Variants in SPTBN4 observed in about 807,000 individuals in gnomAD.
The protein encoded by SPTBN4 is spectrin beta, non-erythrocytic 4, also known as spectrin beta chain, non-erythrocytic 4.
In SPTBN4, 96 loss-of-function variants were observed where a neutral mutation model predicts 277.8. The observed-to-expected ratio is 0.35, with a 90% CI of 0.29 to 0.41. The LOEUF (loss-of-function observed/expected upper bound fraction) is 0.41, where lower values mean the gene tolerates loss of function less well. SPTBN4 is among the 10% of genes least tolerant of loss of function. The pLI is 1.00. For missense variants in SPTBN4, 3,006 were observed against 3,595.7 expected, an observed-to-expected ratio of 0.84 and a Z score of 4.19; for synonymous variants, 1,481 against 1,580.3, an observed-to-expected ratio of 0.94 and a Z score of 1.49.
At chr19:40,505,052 G>A (rs942578985) in intron 12 of SPTBN4, among the ~76,000 whole-genome samples, 1 of 150,778 alleles carries the variant, frequency 6.6e-6, no homozygotes, top group Non-Finnish European at 1.5e-5. Flanking sequence ...AAGAGAGAGA[G>A]AGAGAGACCT....
intron 35 of SPTBN4, among the ~76,000 whole-genome samples, chr19:40,573,974 C>T (rs966117878): frequency 4.1e-5 from 6 of 147,600 alleles, no homozygotes; most frequent in African/African-American, 7.6e-5. Flanking sequence ...TGGTGGCGGG[C>T]GCCTGTAGTC....
At chr19:40,497,181 G>A (rs1344403515) in intron 6 of SPTBN4, among the ~76,000 whole-genome samples, 2 of 151,880 alleles carry the variant, frequency 1.3e-5, no homozygotes, top group Admixed American at 1.3e-4. Context: ...ACACAGGCAG[G>A]CACCGTGTGG....
intron 2 of SPTBN4, among the ~76,000 whole-genome samples, chr19:40,484,105 T>A (rs1233134289): frequency 6.6e-6 from 1 of 152,060 alleles, no homozygotes; most frequent in Non-Finnish European, 1.5e-5. Flanking sequence ...GAAAAACAAG[T>A]ACAATTAAAT....
At chr19:40,538,333 G>A (rs1462431962) in intron 20 of SPTBN4, among the ~76,000 whole-genome samples, 2 of 18,310 alleles carry the variant, frequency 1.1e-4, no homozygotes, top group Non-Finnish European at 1.3e-4. Flanking sequence ...AGGTTGCAGT[G>A]AGGCAAGATT....
intron 20 of SPTBN4, among the ~76,000 whole-genome samples, chr19:40,539,636 C>T (rs539448127): frequency 6.7e-4 from 102 of 151,952 alleles, no homozygotes; most frequent in African/African-American, 2.3e-3. Flanking sequence ...CCTGCCACCA[C>T]GCCTGGCTAA....
At chr19:40,527,103 C>G (rs889500846) in intron 17 of SPTBN4, among the ~76,000 whole-genome samples, 8 of 152,164 alleles carry the variant, frequency 5.3e-5, no homozygotes, top group African/African-American at 1.9e-4. Context: ...CTCTCTGGTT[C>G]TGTCTCTGCA....
chr19:40,556,367 G>A (rs1459195703), intron 25 of SPTBN4, 79 bp downstream of exon 25: 23 of 1,345,646 alleles, frequency 1.7e-5, no homozygotes, highest in Non-Finnish European at 2.1e-5. Context: ...TCTGTAGTAT[G>A]AGGATAATAA....
chr19:40,535,679 C>T (rs1431498095), intron 20 of SPTBN4, among the ~76,000 whole-genome samples: 1 of 151,994 alleles, frequency 6.6e-6, no homozygotes, highest in Non-Finnish European at 1.5e-5. Context: ...ACGCCTGTAA[C>T]CCCAGCACTT....
intron 13 of SPTBN4, among the ~76,000 whole-genome samples, chr19:40,510,363 G>A (rs891766991): frequency 6.6e-6 from 1 of 151,924 alleles, no homozygotes; most frequent in Non-Finnish European, 1.5e-5. Flanking sequence ...GGAGTACGGT[G>A]GCACTATCTC....
intron 12 of SPTBN4, among the ~76,000 whole-genome samples, chr19:40,504,734 G>T (rs146041504): frequency 4.1e-4 from 62 of 152,074 alleles, no homozygotes; most frequent in African/African-American, 1.5e-3. Context: ...TGTAGTCCTA[G>T]CTATTTGGGA....
At chr19:40,564,589 G>C (rs1000740328) in intron 27 of SPTBN4, among the ~76,000 whole-genome samples, 13 of 152,108 alleles carry the variant, frequency 8.5e-5, no homozygotes, top group African/African-American at 3.1e-4. Flanking sequence ...CCATAGCCTT[G>C]AACTTTGGGA....
Position 40,490,107 on chromosome 19 carries a change from C to T in SPTBN4, c.354C>T (p.His118=), listed in dbSNP as rs1599724244. 1.9e-6 allele frequency: 3 copies of T among 1,613,796 alleles called. No homozygotes were observed. The highest frequency in any genetic ancestry group is 2.7e-5 in the African/African-American group (2 of 75,056). Residue 118 remains histidine, a synonymous_variant, in exon 4 of 36, where the codon CAC becomes CAT. Coordinates refer to ENST00000598249, the MANE Select transcript of SPTBN4 (RefSeq NM_020971.3). The surrounding 1 kb of genome is among the most constrained non-coding windows in gnomAD (Gnocchi z 4.3). ...CCACGCGCGGCCGCATGCGGATCCA[C>T]TCACTGGAGAACGTGGACAAGGCGC... ...PRPTRGRMRI[H]SLENVDKALQ...
intron 26 of SPTBN4, among the ~76,000 whole-genome samples, chr19:40,559,944 A>T (rs1047136626): frequency 8.5e-5 from 13 of 152,266 alleles, no homozygotes; most frequent in Admixed American, 5.2e-4. Context: ...GAAATCAGGC[A>T]GTGGGTTGAA....
intron 17 of SPTBN4, among the ~76,000 whole-genome samples, chr19:40,526,857 C>T (rs377429237): frequency 8.6e-5 from 13 of 151,816 alleles, no homozygotes; most frequent in East Asian, 5.9e-4. Context: ...CCAAAGTGCT[C>T]GGATTACAGG....
chr19:40,556,397 C>T, intron 25 of SPTBN4, 109 bp downstream of exon 25: 2 of 973,272 alleles, frequency 2.1e-6, no homozygotes, highest in Non-Finnish European at 3.0e-6. Context: ...CCTCATGGCT[C>T]TGCTGTGAGA....
intron 30 of SPTBN4, 52 bp from the exon 31 acceptor site, chr19:40,567,611 A>AACCCCCC: frequency 2.5e-6 from 3 of 1,190,520 alleles, no homozygotes; most frequent in Non-Finnish European, 3.4e-6. Flanking sequence ...CCTCCCCCTT[A>AACCCCCC]CCCCGCCCCG....
intron 17 of SPTBN4, among the ~76,000 whole-genome samples, chr19:40,526,268 G>T (rs2080590909): frequency 6.6e-6 from 1 of 151,518 alleles, no homozygotes; most frequent in African/African-American, 2.4e-5. Context: ...TGCCTCCAGG[G>T]TTCAAGCTAT....
intron 18 of SPTBN4, among the ~76,000 whole-genome samples, chr19:40,531,464 GTTTTTTTTTTTTT>G (rs71173645): frequency 1.1e-3 from 45 of 40,912 alleles, no homozygotes; most frequent in Admixed American, 2.0e-3. Context: ...TCCAGTGTTT[GTTTTTTTTTTTTT>G]TTTTTTTTTT....
chr19:40,569,810 G>T, intron 32 of SPTBN4, 84 bp downstream of exon 32: 1 of 1,349,882 alleles, frequency 7.4e-7, no homozygotes, highest in Non-Finnish European at 1.0e-6. Flanking sequence ...CCAGTGCCTA[G>T]CCCTGGCAGG....
Sources: gnomAD v4.1 joint callset for allele counts (sites outside exome capture counted in the v4.1 genomes callset) on GRCh38, gnomAD v4.1.1 for gene constraint, Gnocchi (gnomAD v3.1) non-coding constraint, MANE v1.5 for transcripts, NCBI Gene and HGNC (gene_info 2026-07-23, HGNC 2026-07-21) for gene names.